Variants in GBE1 observed in about 807,000 individuals in gnomAD.
GBE1 encodes 1,4-alpha-glucan branching enzyme 1.
Under a neutral mutation model 88.8 loss-of-function variants are expected in GBE1, and 70 were observed. The ratio of observed to expected loss-of-function variants is 0.79; its 90% CI spans 0.65 to 0.96. The LOEUF is 0.96. GBE1 is among the 40% of genes least tolerant of loss of function. The pLI is 0.00. For synonymous variants in GBE1, 284 were observed against 300.1 expected, an observed-to-expected ratio of 0.95 and a Z score of 0.56; for missense variants, 872 against 871.0, an observed-to-expected ratio of 1.00 and a Z score of -0.01.
chr3:81,761,383 G>T lies in GBE1; in HGVS notation c.135C>A (p.Phe45Leu), dbSNP rs777583603. ...TGGGATTCCGGCGGTACCTGCGCTG[G>T]AAGTCCACGGCGTAGGGCTTCAAGT... ...DPYLKPYAVD[F>L]QRRYKQFSQI... The change falls in exon 1 of 16, where the codon TTC becomes TTA. Residue 45 changes from phenylalanine to leucine, a missense_variant. Coordinates refer to ENST00000429644, the MANE Select transcript of GBE1 (RefSeq NM_000158.4). The T allele has an allele frequency of 2.6e-5, 42 of 1,608,088 alleles. No homozygotes were observed. Among genetic ancestry groups the T allele is most frequent in the Non-Finnish European group, 3.6e-5 (42 of 1,175,938 alleles).
intron 1 of GBE1, among the ~76,000 whole-genome samples, chr3:81,737,396 AATATATTTTTATATATTTATATAAAT>A (rs1706280166): frequency 3.0e-5 from 1 of 32,954 alleles, no homozygotes; most frequent in East Asian, 1.6e-3. Flanking sequence ...TATTTATATA[AATATATTTTTATATATTTATATAAAT>A]ATATATATTC....
Position 81,626,530 on chromosome 3 carries a change from G to A in GBE1, c.992+16251C>T, listed in dbSNP as rs114411163. Among the ~76,000 whole-genome samples the A allele has an allele frequency of 3.1e-3, 467 of 152,174 alleles. 1 individual carries two copies. Among genetic ancestry groups the A allele is most frequent in the Non-Finnish European group, 5.4e-3 (370 of 68,002 alleles). On this transcript the variant is annotated intron_variant, in intron 7 of 15. Coordinates refer to ENST00000429644, the MANE Select transcript of GBE1 (RefSeq NM_000158.4). Reference sequence around the variant, plus strand: ...CTGATTTTAGACCAGCGAAGATAAGGAGAAGGGGCTTTTACACTGAGGACC... The same window carrying A: ...CTGATTTTAGACCAGCGAAGATAAGAAGAAGGGGCTTTTACACTGAGGACC...
At chr3:81,738,396 A>G (rs975358861) in intron 1 of GBE1, among the ~76,000 whole-genome samples, 5 of 151,864 alleles carry the variant, frequency 3.3e-5, no homozygotes, top group Admixed American at 2.6e-4. Flanking sequence ...CTATTTCTCC[A>G]CATCCTCTCC....
chr3:81,713,083 C>T lies in GBE1; in HGVS notation c.144-7470G>A, dbSNP rs138654199. Among the ~76,000 whole-genome samples, 582 of 152,230 alleles carry T rather than the reference C, an allele frequency of 3.8e-3. 3 individuals carry two copies. Among genetic ancestry groups the T allele is most frequent in the African/African-American group, 9.9e-3 (410 of 41,558 alleles). On this transcript the variant is annotated intron_variant, in intron 1 of 15. Coordinates refer to ENST00000429644, the MANE Select transcript of GBE1 (RefSeq NM_000158.4). Reference sequence around the variant, plus strand: ...TAATTCAGTTACGTGAAACAAGATCCTTCTTGTAAGATGTTCATCTGTGCA... The same window carrying T: ...TAATTCAGTTACGTGAAACAAGATCTTTCTTGTAAGATGTTCATCTGTGCA...
chr3:81,498,443 A>G (rs1702544197), intron 15 of GBE1, among the ~76,000 whole-genome samples: 1 of 152,202 alleles, frequency 6.6e-6, no homozygotes, highest in Non-Finnish European at 1.5e-5. Flanking sequence ...CATAAATTAA[A>G]TAATGAATTC....
At chr3:81,531,406 G>A (rs1703009696) in intron 14 of GBE1, among the ~76,000 whole-genome samples, 1 of 150,944 alleles carries the variant, frequency 6.6e-6, no homozygotes, top group Non-Finnish European at 1.5e-5. Context: ...CTCTTCCCAT[G>A]GCCAACACAT....
intron 14 of GBE1, among the ~76,000 whole-genome samples, chr3:81,527,711 G>A (rs545429147): frequency 6.6e-6 from 1 of 152,194 alleles, no homozygotes; most frequent in African/African-American, 2.4e-5. Flanking sequence ...AAAAAGTCAG[G>A]AAACAACAGG....
At chr3:81,600,876 G>A (rs1325472753) in intron 7 of GBE1, among the ~76,000 whole-genome samples, 2 of 151,760 alleles carry the variant, frequency 1.3e-5, no homozygotes, top group African/African-American at 2.4e-5. Context: ...AAATATAGAG[G>A]CACCTAGTTC....
At chr3:81,737,413 T>A (rs6548772) in intron 1 of GBE1, among the ~76,000 whole-genome samples, 4 of 49,452 alleles carry the variant, frequency 8.1e-5, no homozygotes, top group Admixed American at 1.9e-4. Context: ...TTTTATATAT[T>A]TATATAAATA....
intron 14 of GBE1, among the ~76,000 whole-genome samples, chr3:81,504,658 T>G (rs1702631420): frequency 6.6e-6 from 1 of 152,194 alleles, no homozygotes; most frequent in Admixed American, 6.5e-5. Flanking sequence ...CATTATTTTA[T>G]AATCCATGTC....
At chr3:81,672,059 T>C (rs1192538004) in intron 2 of GBE1, among the ~76,000 whole-genome samples, 2 of 152,000 alleles carry the variant, frequency 1.3e-5, no homozygotes, top group Non-Finnish European at 2.9e-5. Flanking sequence ...AAGCTCACTG[T>C]TTAATCAATC....
chr3:81,575,834 C>T lies in GBE1; in HGVS notation c.1618+2091G>A, dbSNP rs191353956. Among the ~76,000 whole-genome samples the T allele has an allele frequency of 3.4e-4, 51 of 152,164 alleles. 1 individual carries two copies. In the East Asian group the frequency reaches 9.3e-3, roughly 28 times the overall value. On this transcript the variant is annotated intron_variant, in intron 12 of 15. Transcript: ENST00000429644. The stretch of plus-strand genomic sequence containing the variant: ...TCTGTAGTTTTACTCAGAAAACATA[C>T]AAACAAAGGAATATTCTTTAATACA...
At chr3:81,699,765 A>G (rs1705660277) in intron 2 of GBE1, among the ~76,000 whole-genome samples, 1 of 152,096 alleles carries the variant, frequency 6.6e-6, no homozygotes, top group Admixed American at 6.5e-5. Context: ...CAGTCCACTG[A>G]CTCAAATGTT....
At chr3:81,713,990 G>A (rs1705906907) in intron 1 of GBE1, among the ~76,000 whole-genome samples, 1 of 152,184 alleles carries the variant, frequency 6.6e-6, no homozygotes. Context: ...TCTCTGTTAT[G>A]TATGGGAGAC....
chr3:81,687,295 GA>G (rs1415147855), intron 2 of GBE1, among the ~76,000 whole-genome samples: 25 of 152,120 alleles, frequency 1.6e-4, no homozygotes, highest in African/African-American at 5.6e-4. Flanking sequence ...AGGCTGAGGG[GA>G]AAAGAAGAGG....
At chr3:81,627,405 T>C (rs1704432829) in intron 7 of GBE1, among the ~76,000 whole-genome samples, 1 of 152,166 alleles carries the variant, frequency 6.6e-6, no homozygotes, top group African/African-American at 2.4e-5. Flanking sequence ...ATTGGCTTCG[T>C]ATAAAGGAGA....
At chr3:81,572,510 T>C (rs1703588763) in intron 12 of GBE1, among the ~76,000 whole-genome samples, 1 of 152,200 alleles carries the variant, frequency 6.6e-6, no homozygotes, top group Non-Finnish European at 1.5e-5. Context: ...CATTAGACAT[T>C]ATTTCATTTT....
chr3:81,591,260 T>G, intron 8 of GBE1, 96 bp from the exon 9 acceptor site: 1 of 984,298 alleles, frequency 1.0e-6, no homozygotes, highest in East Asian at 2.8e-5. Context: ...TATATGAATT[T>G]TGTTATTGTA....
chr3:81,745,836 A>G (rs1386704068), intron 1 of GBE1, among the ~76,000 whole-genome samples: 3 of 152,144 alleles, frequency 2.0e-5, no homozygotes, highest in Non-Finnish European at 1.5e-5. Context: ...AAATTTTGCC[A>G]AATAAACGTA....
Sources: allele counts gnomAD v4.1 joint callset (sites outside exome capture counted in the v4.1 genomes callset), GRCh38; gene constraint gnomAD v4.1.1; transcripts MANE v1.5; gene names NCBI Gene and HGNC (gene_info 2026-07-23, HGNC 2026-07-21).